Variants in C2CD2 observed in about 807,000 individuals in gnomAD.
C2CD2 encodes C2 calcium dependent domain containing 2, also known as C2 domain-containing protein 2.
In C2CD2, 43 loss-of-function variants were observed where a neutral mutation model predicts 74.3. The ratio of observed to expected loss-of-function variants is 0.58; its 90% CI spans 0.45 to 0.75. The LOEUF is 0.75. Ranked by LOEUF, C2CD2 falls within the 30% of genes least tolerant of loss-of-function variation. The pLI is 0.00. For missense variants in C2CD2, 801 were observed against 916.3 expected, an observed-to-expected ratio of 0.87 and a Z score of 1.63; for synonymous variants, 422 against 390.7, an observed-to-expected ratio of 1.08 and a Z score of -0.94.
At chr21:41,916,363 G>A (rs183862544) in intron 5 of C2CD2, among the ~76,000 whole-genome samples, 138 of 152,198 alleles carry the variant, frequency 9.1e-4, no homozygotes, top group African/African-American at 2.9e-3. Flanking sequence ...CCTCCCTCTC[G>A]TGGGTGGGCC....
intron 10 of C2CD2, among the ~76,000 whole-genome samples, chr21:41,906,439 C>G (rs1242859318): frequency 6.6e-6 from 1 of 152,204 alleles, no homozygotes; most frequent in Non-Finnish European, 1.5e-5. Context: ...GATCTCAGCT[C>G]ACTGCAACCT....
intron 13 of C2CD2, chr21:41,894,526 A>C: frequency 4.9e-6 from 2 of 405,282 alleles, no homozygotes; most frequent in South Asian, 3.6e-5. Context: ...AGGTGTCTAG[A>C]AAAATGGGCA....
At chr21:41,922,476 C>CTT (rs34651080) in intron 2 of C2CD2, among the ~76,000 whole-genome samples, 4 of 139,460 alleles carry the variant, frequency 2.9e-5, no homozygotes, top group Admixed American at 1.4e-4. Flanking sequence ...CCATAGGCAT[C>CTT]TTTTTTTTTT....
chr21:41,937,967 G>A (rs1417093099), intron 2 of C2CD2, among the ~76,000 whole-genome samples: 1 of 152,126 alleles, frequency 6.6e-6, no homozygotes, highest in Admixed American at 6.5e-5. Flanking sequence ...GGGACGTCGG[G>A]GAGGTATTGG....
In C2CD2 at chr21:41,927,000, TA is replaced by T. The variant is rs969733107; in HGVS notation, c.379-4916del. On this transcript the variant is annotated intron_variant, in intron 2 of 13. Coordinates refer to ENST00000380486, the MANE Select transcript of C2CD2 (RefSeq NM_015500.2). This position sits in a 1 kb window ranked among gnomAD's most constrained non-coding sequence, Gnocchi z 8.0. ...ACTCTGCAAGCGAGTCTCACCTCTGTAAATATCCTTTAAGACAGTATGAACT... is the reference window on the plus strand; with the variant it reads ...ACTCTGCAAGCGAGTCTCACCTCTGTAATATCCTTTAAGACAGTATGAACT... Among the ~76,000 whole-genome samples, 15 of 152,212 alleles carry T rather than the reference TA, an allele frequency of 9.9e-5. No individual in the cohort carries two copies. Among genetic ancestry groups the T allele is most frequent in the African/African-American group, 3.6e-4 (15 of 41,450 alleles).
chr21:41,917,106 G>A (rs1410772136), intron 5 of C2CD2, among the ~76,000 whole-genome samples: 12 of 152,166 alleles, frequency 7.9e-5, no homozygotes, highest in Non-Finnish European at 2.9e-5. Context: ...CTGCTGGCCC[G>A]GTGCCCCTTC....
intron 2 of C2CD2, among the ~76,000 whole-genome samples, chr21:41,928,642 A>G (rs1342043188): frequency 6.6e-6 from 1 of 151,308 alleles, no homozygotes; most frequent in Non-Finnish European, 1.5e-5. Flanking sequence ...CATGGTGCCC[A>G]TACCAAACAG....
At chr21:41,912,243 TA>T in intron 7 of C2CD2, 88 bp downstream of exon 7, 1 of 730,382 alleles carries the variant, frequency 1.4e-6, no homozygotes, top group Non-Finnish European at 2.4e-6. Flanking sequence ...TGTTTTAGCC[TA>T]AACGGTGCTG....
intron 2 of C2CD2, among the ~76,000 whole-genome samples, chr21:41,938,537 C>G (rs2065327927): frequency 6.6e-6 from 1 of 152,134 alleles, no homozygotes; most frequent in East Asian, 1.9e-4. Context: ...TCTGTCCTCA[C>G]TAAGCACTAA....
intron 13 of C2CD2, among the ~76,000 whole-genome samples, chr21:41,891,321 G>C (rs1040086816): frequency 3.3e-5 from 5 of 152,184 alleles, no homozygotes; most frequent in African/African-American, 9.7e-5. Context: ...AGTGAGTCAC[G>C]TCCCTGAAAA....
In C2CD2 at chr21:41,889,014, A is replaced by G; in HGVS notation, c.*110T>C. ...ATGACGAGATGGTTGGAAGAAACCC[A>G]GCAAGACAAGCGGGGCATCTGGACA... On this transcript the variant is annotated 3_prime_UTR_variant, in exon 14 of 14. Transcript: ENST00000380486. 1 of 796,952 alleles carries G rather than the reference A, an allele frequency of 1.3e-6. No individual in the cohort carries two copies. Among genetic ancestry groups the G allele is most frequent in the Non-Finnish European group, 2.1e-6 (1 of 472,892 alleles). 49.4% of individuals were successfully genotyped at this position (796,952 alleles called of 1,614,324 possible).
intron 5 of C2CD2, among the ~76,000 whole-genome samples, chr21:41,916,307 G>A (rs1036733554): frequency 6.6e-6 from 1 of 152,102 alleles, no homozygotes; most frequent in Non-Finnish European, 1.5e-5. Flanking sequence ...CTGTGTTTCT[G>A]GATGAGATTA....
At chr21:41,925,501 AC>A (rs1190046730) in intron 2 of C2CD2, among the ~76,000 whole-genome samples, 1 of 152,182 alleles carries the variant, frequency 6.6e-6, no homozygotes, top group Admixed American at 6.5e-5. Flanking sequence ...ACATGGCCAA[AC>A]AAAATACTGC....
chr21:41,944,137 C>T (rs1441412416), intron 1 of C2CD2, among the ~76,000 whole-genome samples: 4 of 152,214 alleles, frequency 2.6e-5, no homozygotes, highest in Non-Finnish European at 5.9e-5. Context: ...TTATACCAGC[C>T]TGGGTGCAGA....
intron 13 of C2CD2, among the ~76,000 whole-genome samples, chr21:41,893,668 C>T (rs1256711254): frequency 1.3e-5 from 2 of 151,516 alleles, no homozygotes; most frequent in Non-Finnish European, 2.9e-5. Flanking sequence ...CTCACGCTCT[C>T]CAGAGCATGT....
chr21:41,922,146 C>T (rs1330840310), intron 2 of C2CD2, 61 bp from the exon 3 acceptor site: 27 of 934,124 alleles, frequency 2.9e-5, no homozygotes, highest in South Asian at 2.6e-4. Context: ...CGCGTGCATA[C>T]GCATCTTCTT....
intron 12 of C2CD2, chr21:41,900,814 G>A (rs1394983799): frequency 6.6e-6 from 1 of 152,078 alleles, no homozygotes; most frequent in Non-Finnish European, 1.5e-5. Context: ...AAAAAAGTAA[G>A]GGCCGGGAGC....
rs1169848558 is a variant in C2CD2, at chr21:41,887,937, G to A, written c.*1187C>T. 6.6e-6 allele frequency: 1 copy of A among 152,306 alleles called. No homozygotes were observed. 9.4% of individuals were successfully genotyped at this position (152,306 alleles called of 1,614,324 possible). A position where few individuals can be genotyped will look rare whatever the true frequency, so the allele number is the denominator to read the frequency against. On this transcript the variant is annotated 3_prime_UTR_variant, in exon 14 of 14. Transcript: ENST00000380486. ...TGAGATCTGTGAATGAACTGAAATA[G>A]AAAGGCAACTGATGAGGAAAGCGAC... is the stretch of plus-strand genomic sequence containing the variant.
Position 41,899,412 on chromosome 21 carries a change from G to C in C2CD2, c.1561-50C>G. On this transcript the variant is annotated intron_variant, in intron 12 of 13. Transcript: ENST00000380486. This position sits in a 1 kb window ranked among gnomAD's most constrained non-coding sequence, Gnocchi z 4.4. ...ACAAGGGATACATGAAAGGAAGGGA[G>C]GGTTTGAAAAGAACTGAAAAGCACT... 6.5e-7 allele frequency: 1 copy of C among 1,549,956 alleles called. No homozygotes were observed.
Sources: allele counts gnomAD v4.1 joint callset (sites outside exome capture counted in the v4.1 genomes callset), GRCh38; gene constraint gnomAD v4.1.1; non-coding constraint Gnocchi (gnomAD v3.1); transcripts MANE v1.5; gene names NCBI Gene and HGNC (gene_info 2026-07-23, HGNC 2026-07-21).